Variants in LIMK2 observed in about 807,000 individuals in gnomAD.
LIMK2 encodes LIM domain kinase 2.
Under a neutral mutation model 75.7 loss-of-function variants are expected in LIMK2, and 35 were observed. The ratio of observed to expected loss-of-function variants is 0.46; its 90% CI spans 0.35 to 0.61. The LOEUF (loss-of-function observed/expected upper bound fraction) is 0.61, where lower values mean the gene tolerates loss of function less well. Among genes scored for constraint, LIMK2 ranks in the 20% least tolerant of loss-of-function variants. LIMK2 has a pLI of 0.00. For missense variants in LIMK2, 623 were observed against 831.0 expected (o/e 0.75, Z 3.08); for synonymous variants, 301 against 319.2 (o/e 0.94, Z 0.61).
chr22:31,271,650 G>A (rs905974912), intron 12 of LIMK2, among the ~76,000 whole-genome samples: 6 of 152,126 alleles, frequency 3.9e-5, no homozygotes, highest in African/African-American at 1.4e-4. Flanking sequence ...TGGTTACAAT[G>A]TTGTTTGTCT....
At chr22:31,230,144 T>G (rs1172357532) in intron 2 of LIMK2, 3 of 151,544 alleles carry the variant, frequency 2.0e-5, no homozygotes, top group Non-Finnish European at 4.4e-5. Flanking sequence ...GATCAATTAC[T>G]TGTAAACACT....
intron 11 of LIMK2, among the ~76,000 whole-genome samples, chr22:31,269,423 C>T (rs957235530): frequency 2.0e-5 from 3 of 151,680 alleles, no homozygotes; most frequent in Non-Finnish European, 2.9e-5. Context: ...CCACCATGCC[C>T]GGCAGGAAAA....
chr22:31,275,607 T>TGATACGGCGA, intron 15 of LIMK2: 1 of 310,030 alleles, frequency 3.2e-6, no homozygotes, highest in Non-Finnish European at 6.0e-6. Context: ...CTTTCGATAT[T>TGATACGGCGA]CCCCTGTCCA....
chr22:31,275,037 T>TA (rs1372913691), intron 14 of LIMK2, 114 bp from the exon 15 acceptor site: 1 of 1,018,076 alleles, frequency 9.8e-7, no homozygotes, highest in African/African-American at 1.6e-5. Flanking sequence ...TCTAACCTAT[T>TA]TTACCACCTC....
At chr22:31,222,798 C>T (rs2048447495) in intron 1 of LIMK2, 1 of 152,138 alleles carries the variant, frequency 6.6e-6, no homozygotes, top group African/African-American at 2.4e-5. Context: ...AGGGGCCATG[C>T]TAACCTTCTG....
Position 31,267,716 on chromosome 22 carries a change from G to A in LIMK2, c.1129-60G>A. On this transcript the variant is annotated intron_variant, in intron 9 of 15. Transcript: ENST00000331728. The stretch of plus-strand genomic sequence containing the variant: ...TGTCAAGCTGATTCCTTGGAGGGAA[G>A]AGGTAAGGAAGACAGTGAGAAGTTA... 3 of 1,529,552 alleles carry A rather than the reference G, an allele frequency of 2.0e-6. No homozygotes were observed. The Admixed American group carries it at 6.3e-5, about 32-fold the overall frequency. The allele number at this position is 1,529,552 out of a possible 1,614,324, so 94.7% of individuals were successfully genotyped here.
intron 2 of LIMK2, among the ~76,000 whole-genome samples, chr22:31,255,386 GCCATACCCAGCCCTTAAGA>G (rs1387019191): frequency 6.6e-6 from 1 of 152,106 alleles, no homozygotes; most frequent in African/African-American, 2.4e-5. Flanking sequence ...TACTCTTCAT[GCCATACCCAGCCCTTAAGA>G]CCCTGAAGTT....
chr22:31,244,814 A>G (rs1052536164), intron 2 of LIMK2, among the ~76,000 whole-genome samples: 11 of 152,192 alleles, frequency 7.2e-5, no homozygotes, highest in African/African-American at 2.7e-4. Context: ...CATGCAGTGC[A>G]TTGTCGCATT....
Position 31,225,745 on chromosome 22 carries a change from C to A in LIMK2, c.42C>A (p.Gly14=), listed in dbSNP as rs2048471483. The A allele has an allele frequency of 6.2e-7, 1 of 1,613,956 alleles. No individual in the cohort carries two copies. The highest frequency in any genetic ancestry group is 2.2e-5 in the East Asian group (1 of 44,894). The stretch of plus-strand genomic sequence containing the variant: ...GTGAAGATGTCTGGAGGTGTCCAGG[C>A]TGTGGGGACCACATTGCTCCAAGCC... ...LAGEDVWRCP[G]CGDHIAPSQI... is the part of the protein sequence containing the mutation. Residue 14 remains glycine, a synonymous_variant, in exon 2 of 16, where the codon GGC becomes GGA. Coordinates refer to ENST00000331728, the MANE Select transcript of LIMK2 (RefSeq NM_005569.4).
At chr22:31,254,534 A>G (rs1260205863) in intron 2 of LIMK2, among the ~76,000 whole-genome samples, 3 of 152,194 alleles carry the variant, frequency 2.0e-5, no homozygotes, top group African/African-American at 7.2e-5. Context: ...TCAGGGAGCT[A>G]ACAGTCTAGT....
At chr22:31,247,243 C>G (rs972972971) in intron 2 of LIMK2, among the ~76,000 whole-genome samples, 3 of 152,174 alleles carry the variant, frequency 2.0e-5, no homozygotes, top group African/African-American at 7.2e-5. Context: ...AGCAGCCTTG[C>G]TTTTTCCTTT....
chr22:31,242,266 G>A (rs2048629389), intron 2 of LIMK2, among the ~76,000 whole-genome samples: 1 of 152,168 alleles, frequency 6.6e-6, no homozygotes, highest in African/African-American at 2.4e-5. Context: ...TTTTCTAAGT[G>A]CTTACTGTCC....
chr22:31,273,681 G>A (rs1017829216), intron 14 of LIMK2, among the ~76,000 whole-genome samples, 174 bp downstream of exon 14: 1 of 152,186 alleles, frequency 6.6e-6, no homozygotes, highest in Admixed American at 6.5e-5. Flanking sequence ...TGTTTCATTG[G>A]TCTTAAGAGA....
At chr22:31,235,579 T>C (rs894375322) in intron 2 of LIMK2, among the ~76,000 whole-genome samples, 3 of 152,190 alleles carry the variant, frequency 2.0e-5, no homozygotes, top group Non-Finnish European at 4.4e-5. Flanking sequence ...GTTCAGCTAC[T>C]CTAGCCACCA....
At chr22:31,273,645 G>GC in intron 14 of LIMK2, 138 bp downstream of exon 14, 1 of 681,766 alleles carries the variant, frequency 1.5e-6, no homozygotes, top group East Asian at 2.7e-5. Flanking sequence ...GGTTTATAAC[G>GC]CATCTGCACA....
chr22:31,230,778 A>G (rs1200009713), intron 2 of LIMK2, among the ~76,000 whole-genome samples: 1 of 152,150 alleles, frequency 6.6e-6, no homozygotes, highest in African/African-American at 2.4e-5. Flanking sequence ...TAGCAACCAG[A>G]GACTGTGTTG....
chr22:31,235,674 T>C (rs1465351626), intron 2 of LIMK2, among the ~76,000 whole-genome samples: 1 of 152,264 alleles, frequency 6.6e-6, no homozygotes, highest in African/African-American at 2.4e-5. Flanking sequence ...TCTTAAATTG[T>C]ATATTTGAAA....
At chr22:31,274,049 G>C (rs2048986699) in intron 14 of LIMK2, among the ~76,000 whole-genome samples, 1 of 150,924 alleles carries the variant, frequency 6.6e-6, no homozygotes, top group African/African-American at 2.4e-5. Context: ...TTGGAAGAGG[G>C]CAGTGGCTTG....
At chr22:31,248,388 G>A (rs2048690715) in intron 2 of LIMK2, 2 of 1,343,324 alleles carry the variant, frequency 1.5e-6, no homozygotes, top group Non-Finnish European at 1.9e-6. Flanking sequence ...TTCTTAGCTA[G>A]TCACCGGCCC....
Sources: allele counts gnomAD v4.1 joint callset (sites outside exome capture counted in the v4.1 genomes callset), GRCh38; gene constraint gnomAD v4.1.1; transcripts MANE v1.5; gene names NCBI Gene and HGNC (gene_info 2026-07-23, HGNC 2026-07-21).